Variants in FIP1L1 observed in about 807,000 individuals in gnomAD.
The protein encoded by FIP1L1 is factor interacting with PAPOLA and CPSF1.
In FIP1L1, 21 loss-of-function variants were observed where a neutral mutation model predicts 84.6. The observed-to-expected ratio is 0.25, with a 90% CI of 0.18 to 0.36. The LOEUF (loss-of-function observed/expected upper bound fraction) is 0.36, where lower values mean the gene tolerates loss of function less well. Ranked by LOEUF, FIP1L1 falls within the 10% of genes least tolerant of loss-of-function variation. The probability of loss-of-function intolerance (pLI) is 1.00; values close to 1 mark genes in which losing one functional copy is unlikely to be tolerated. For synonymous variants in FIP1L1, 263 were observed against 242.3 expected (o/e 1.09, Z -0.80); for missense variants, 526 against 751.1 (o/e 0.70, Z 3.50).
chr4:53,430,162 G>GTATGTTCAGTACTAATTATTAAAGT (rs1765937306), intron 13 of FIP1L1, among the ~76,000 whole-genome samples: 1 of 152,038 alleles, frequency 6.6e-6, no homozygotes, highest in East Asian at 1.9e-4. Flanking sequence ...CTAACATTTT[G>GTATGTTCAGTACTAATTATTAAAGT]TATGTTCAGT....
chr4:53,457,506 A>G (rs1376405790), intron 16 of FIP1L1, among the ~76,000 whole-genome samples: 4 of 152,174 alleles, frequency 2.6e-5, no homozygotes, highest in Non-Finnish European at 4.4e-5. Context: ...CAGCAGTACA[A>G]TTGGGCATTA....
At chr4:53,394,306 T>C (rs1472365244) in intron 9 of FIP1L1, among the ~76,000 whole-genome samples, 1 of 152,222 alleles carries the variant, frequency 6.6e-6, no homozygotes, top group African/African-American at 2.4e-5. Flanking sequence ...GTTTGTTGAT[T>C]GTTGGCCATT....
chr4:53,387,834 T>C (rs1426921769), intron 5 of FIP1L1, among the ~76,000 whole-genome samples: 1 of 152,220 alleles, frequency 6.6e-6, no homozygotes. Flanking sequence ...GCTAAGTCAC[T>C]TTTTCTGAAT....
chr4:53,415,982 TATATA>T (rs1170364453), intron 11 of FIP1L1, among the ~76,000 whole-genome samples: 2 of 152,218 alleles, frequency 1.3e-5, no homozygotes, highest in African/African-American at 4.8e-5. Flanking sequence ...ATCTATGTAT[TATATA>T]ATATTGATTT....
rs1389780686 is a variant in FIP1L1, at chr4:53,417,761, ACACTCTCTCTCTCTCT to A, written c.923+3041_923+3056del. Among the ~76,000 whole-genome samples the A allele has an allele frequency of 3.7e-3, 83 of 22,482 alleles. No homozygotes were observed. In the East Asian group the frequency reaches 0.047, roughly 13 times the overall value. The allele number at this position is 22,482 out of a possible 152,430, so 14.7% of individuals were successfully genotyped here. Reference sequence around the variant, plus strand: ...TAAACACACACACACACACACACACACACTCTCTCTCTCTCTCTCTCTCTCTCTCTCTCTCTCTCTC... The same window carrying A: ...TAAACACACACACACACACACACACACTCTCTCTCTCTCTCTCTCTCTCTC... On this transcript the variant is annotated intron_variant, in intron 11 of 17. Coordinates refer to ENST00000337488, the MANE Select transcript of FIP1L1 (RefSeq NM_030917.4).
At chr4:53,435,196 C>T (rs1255437578) in intron 13 of FIP1L1, among the ~76,000 whole-genome samples, 2 of 152,074 alleles carry the variant, frequency 1.3e-5, no homozygotes, top group African/African-American at 4.8e-5. Flanking sequence ...TGCTAATTAT[C>T]TATAATAAAT....
At chr4:53,432,052 T>TG (rs1766924748) in intron 13 of FIP1L1, among the ~76,000 whole-genome samples, 2 of 152,084 alleles carry the variant, frequency 1.3e-5, no homozygotes, top group Non-Finnish European at 2.9e-5. Flanking sequence ...TGTCTGGAAG[T>TG]GCAAAAGCAT....
At position 53,399,726 on chromosome 4, in the gene FIP1L1, TAAGGTACA is replaced by T. The variant is rs1578315678; in HGVS notation, c.706-3_710del. 6.3e-7 allele frequency: 1 copy of T among 1,591,250 alleles called. No homozygotes were observed. Among genetic ancestry groups the T allele is most frequent in the Admixed American group, 1.7e-5 (1 of 57,620 alleles). ...CAACAAGCTAATAACCTTTTTTTTT[TAAGGTACA>T]GCAGGGAAGAACTGGAAACTCAGAG... On this transcript the variant is annotated splice_acceptor_variant and splice_polypyrimidine_tract_variant and coding_sequence_variant and intron_variant, in exon 10 of 18. Transcript: ENST00000337488. LOFTEE classifies it high-confidence loss of function.
At chr4:53,417,405 G>A (rs1171767437) in intron 11 of FIP1L1, among the ~76,000 whole-genome samples, 2 of 152,048 alleles carry the variant, frequency 1.3e-5, no homozygotes, top group Non-Finnish European at 2.9e-5. Flanking sequence ...ACTTTGGGAG[G>A]CCGAGGCAGG....
At chr4:53,410,603 CTAAAATAAACA>C (rs992019753) in intron 10 of FIP1L1, among the ~76,000 whole-genome samples, 5 of 152,036 alleles carry the variant, frequency 3.3e-5, no homozygotes, top group African/African-American at 9.7e-5. Context: ...TTTCCATAGT[CTAAAATAAACA>C]TAAAATAAAC....
chr4:53,382,686 T>C (rs568228699), intron 4 of FIP1L1, among the ~76,000 whole-genome samples: 2 of 152,250 alleles, frequency 1.3e-5, no homozygotes, highest in African/African-American at 4.8e-5. Flanking sequence ...CGTTGCTTTT[T>C]AATGTATGTG....
At chr4:53,406,312 T>G (rs1396201164) in intron 10 of FIP1L1, among the ~76,000 whole-genome samples, 1 of 152,234 alleles carries the variant, frequency 6.6e-6, no homozygotes, top group Non-Finnish European at 1.5e-5. Context: ...GAATTACATT[T>G]ATTGATTTTC....
intron 8 of FIP1L1, 40 bp from the exon 9 acceptor site, chr4:53,391,390 T>C: frequency 6.6e-7 from 1 of 1,523,950 alleles, no homozygotes; most frequent in Non-Finnish European, 9.1e-7. Context: ...TAATTAAATA[T>C]TATGTGGTAT....
chr4:53,452,622 T>C lies in FIP1L1; in HGVS notation c.1286-298T>C, dbSNP rs550940195. Among the ~76,000 whole-genome samples the C allele has an allele frequency of 2.0e-5, 3 of 152,354 alleles. No individual in the cohort carries two copies. In the East Asian group the frequency reaches 5.8e-4, roughly 29 times the overall value. On this transcript the variant is annotated intron_variant, in intron 15 of 17. Coordinates refer to ENST00000337488, the MANE Select transcript of FIP1L1 (RefSeq NM_030917.4). ...GCGTAAGCCATCGCGCCTGGCCTCC[T>C]CTCAACACTTTGAAGATGTCCCAGT...
chr4:53,444,759 A>G (rs1458656832), intron 15 of FIP1L1, among the ~76,000 whole-genome samples: 1 of 151,898 alleles, frequency 6.6e-6, no homozygotes, highest in Non-Finnish European at 1.5e-5. Context: ...TTTTGTAGAG[A>G]TAGGGTCTCA....
Position 53,436,003 on chromosome 4 carries a change from A to G in FIP1L1, c.1175-6650A>G, listed in dbSNP as rs146634945. Among the ~76,000 whole-genome samples, 281 of 152,348 alleles carry G rather than the reference A, an allele frequency of 1.8e-3. 1 individual carries two copies. Among genetic ancestry groups the G allele is most frequent in the African/African-American group, 6.5e-3 (271 of 41,578 alleles). ...AATACAAGTCATGAGACTTAAGGAA[A>G]GTGATCAAGTTTATCTGTTTCTTAA... On this transcript the variant is annotated intron_variant, in intron 13 of 17. Coordinates refer to ENST00000337488, the MANE Select transcript of FIP1L1 (RefSeq NM_030917.4).
At chr4:53,378,872 T>C in intron 1 of FIP1L1, 1 of 569,844 alleles carries the variant, frequency 1.8e-6, no homozygotes, top group South Asian at 2.6e-5. Context: ...TAAAAAAAAA[T>C]CGTTTGGTGG....
At chr4:53,435,925 C>A (rs1051075535) in intron 13 of FIP1L1, among the ~76,000 whole-genome samples, 1 of 152,096 alleles carries the variant, frequency 6.6e-6, no homozygotes, top group South Asian at 2.1e-4. Context: ...TTTTTGTAAA[C>A]CTTGTCCTTT....
intron 3 of FIP1L1, among the ~76,000 whole-genome samples, chr4:53,380,512 G>T (rs1737253488): frequency 6.6e-6 from 1 of 152,160 alleles, no homozygotes; most frequent in African/African-American, 2.4e-5. Flanking sequence ...TTAAAACTCA[G>T]TTGTCCTGTT....
Sources: gnomAD v4.1 joint callset for allele counts (sites outside exome capture counted in the v4.1 genomes callset) on GRCh38, gnomAD v4.1.1 for gene constraint, MANE v1.5 for transcripts, NCBI Gene and HGNC (gene_info 2026-07-23, HGNC 2026-07-21) for gene names.